CCBE1: variants seen among roughly 807,000 people sequenced by gnomAD.
CCBE1 encodes the protein collagen and calcium-binding EGF domain-containing protein 1.
A neutral mutation model predicts 50.0 loss-of-function variants in CCBE1; 37 were observed. The ratio of observed to expected loss-of-function variants is 0.74; its 90% CI spans 0.57 to 0.97. CCBE1 has a LOEUF of 0.97. CCBE1 is among the 50% of genes least tolerant of loss of function. The pLI is 0.00. For synonymous variants in CCBE1, 234 were observed against 203.7 expected, an observed-to-expected ratio of 1.15 and a Z score of -1.27; for missense variants, 538 against 523.8, an observed-to-expected ratio of 1.03 and a Z score of -0.26.
intron 2 of CCBE1, among the ~76,000 whole-genome samples, chr18:59,672,761 A>G (rs1009744876): frequency 7.9e-5 from 12 of 152,218 alleles, no homozygotes; most frequent in Non-Finnish European, 2.9e-5. Context: ...TTATGCTGCA[A>G]CAGATGAAGG....
At chr18:59,559,822 C>G (rs1055344063) in intron 2 of CCBE1, among the ~76,000 whole-genome samples, 15 of 152,240 alleles carry the variant, frequency 9.9e-5, no homozygotes, top group Non-Finnish European at 1.2e-4. Flanking sequence ...GTGCATGTCT[C>G]TCCCATGCCT....
intron 2 of CCBE1, among the ~76,000 whole-genome samples, chr18:59,577,850 T>C (rs1022803275): frequency 6.6e-5 from 10 of 152,026 alleles, no homozygotes; most frequent in African/African-American, 2.4e-4. Flanking sequence ...CCCAAAACCA[T>C]AAAAACCCTA....
chr18:59,480,333 G>C lies in CCBE1; in HGVS notation c.213-95C>G. 1.7e-5 allele frequency: 16 copies of C among 969,640 alleles called. No individual in the cohort carries two copies. In the South Asian group the frequency reaches 2.3e-4, roughly 14 times the overall value. The allele number at this position is 969,640 out of a possible 1,614,324, so 60.1% of individuals were successfully genotyped here. ...TTTGAATGAAATAACTTGTGCCCAGGAAACATTGAGGCATAAAGCAAAGTA... is the reference window on the plus strand; with the variant it reads ...TTTGAATGAAATAACTTGTGCCCAGCAAACATTGAGGCATAAAGCAAAGTA... On this transcript the variant is annotated intron_variant, in intron 2 of 10. Transcript: ENST00000439986.
chr18:59,673,976 T>C (rs2054466609), intron 2 of CCBE1, among the ~76,000 whole-genome samples: 1 of 151,890 alleles, frequency 6.6e-6, no homozygotes, highest in African/African-American at 2.4e-5. Flanking sequence ...TAGAGGGGAG[T>C]CCCTCTTTTT....
At chr18:59,543,106 C>G (rs1344331480) in intron 2 of CCBE1, among the ~76,000 whole-genome samples, 3 of 152,116 alleles carry the variant, frequency 2.0e-5, no homozygotes, top group Admixed American at 6.5e-5. Flanking sequence ...CTAGTTGGAT[C>G]CCAATGCTTT....
intron 5 of CCBE1, among the ~76,000 whole-genome samples, chr18:59,463,200 G>GC (rs1310963537): frequency 2.0e-5 from 3 of 152,120 alleles, no homozygotes. Flanking sequence ...CCTGCCCCCA[G>GC]CCCTTTCTGG....
chr18:59,510,531 C>T (rs1914086348), intron 2 of CCBE1, among the ~76,000 whole-genome samples: 1 of 152,112 alleles, frequency 6.6e-6, no homozygotes, highest in Non-Finnish European at 1.5e-5. Context: ...AAGTGATTCT[C>T]CTGTCTCAGC....
intron 10 of CCBE1, among the ~76,000 whole-genome samples, chr18:59,437,226 C>T (rs745373640): frequency 7.2e-5 from 11 of 152,254 alleles, no homozygotes; most frequent in South Asian, 4.2e-4. Flanking sequence ...TGCACAAACA[C>T]GCATGTTCTG....
At chr18:59,548,045 G>A (rs1473750047) in intron 2 of CCBE1, among the ~76,000 whole-genome samples, 1 of 152,272 alleles carries the variant, frequency 6.6e-6, no homozygotes, top group East Asian at 1.9e-4. Flanking sequence ...AACCGAAAAT[G>A]TGGTCACAGT....
At chr18:59,436,364 C>T (rs778264672) in intron 10 of CCBE1, among the ~76,000 whole-genome samples, 2 of 152,196 alleles carry the variant, frequency 1.3e-5, no homozygotes, top group Non-Finnish European at 2.9e-5. Flanking sequence ...CCTTTCCTCC[C>T]TCCTAACGCT....
rs144511131 is a variant in CCBE1, at chr18:59,463,739, G to A, written c.553+3000C>T. 4.5e-3 allele frequency among the ~76,000 whole-genome samples: 679 copies of A among 152,276 alleles called. 3 individuals carry two copies. Among genetic ancestry groups the A allele is most frequent in the African/African-American group, 0.015 (631 of 41,560 alleles). On this transcript the variant is annotated intron_variant, in intron 5 of 10. Coordinates refer to ENST00000439986, the MANE Select transcript of CCBE1 (RefSeq NM_133459.4). The stretch of plus-strand genomic sequence containing the variant: ...TCAACCTAACCCCCAGCAGTATTGC[G>A]TTTGTTGCTGGGGTTCCCGGTGATT...
At position 59,433,323 on chromosome 18, in the gene CCBE1, C is replaced by T. The variant is rs1376897227; in HGVS notation, c.*2585G>A. 6.6e-6 allele frequency: 1 copy of T among 151,356 alleles called. No homozygotes were observed. Among genetic ancestry groups the T allele is most frequent in the Non-Finnish European group, 1.5e-5 (1 of 67,924 alleles). 9.4% of individuals were successfully genotyped at this position (151,356 alleles called of 1,614,324 possible). A position where few individuals can be genotyped will look rare whatever the true frequency, so the allele number is the denominator to read the frequency against. On this transcript the variant is annotated 3_prime_UTR_variant, in exon 11 of 11. Transcript: ENST00000439986. ...CTATGTTGCCCAGACTGGCCTTGAA[C>T]TCCTGGGCTCAAGGGATCCTCTCGC...
chr18:59,467,906 G>A lies in CCBE1; in HGVS notation c.401-1015C>T, dbSNP rs115623570. On this transcript the variant is annotated intron_variant, in intron 4 of 10. Coordinates refer to ENST00000439986, the MANE Select transcript of CCBE1 (RefSeq NM_133459.4). Reference sequence around the variant, plus strand: ...GTACCAACTATGTCACCTGTAGACCGGATGTTGCAGCTGCATCCTCCTCTG... The same window carrying A: ...GTACCAACTATGTCACCTGTAGACCAGATGTTGCAGCTGCATCCTCCTCTG... 8.5e-3 allele frequency among the ~76,000 whole-genome samples: 1,297 copies of A among 152,302 alleles called. 20 individuals carry two copies. Among genetic ancestry groups the A allele is most frequent in the African/African-American group, 0.03 (1,243 of 41,548 alleles).
chr18:59,633,878 A>G (rs193007864), intron 2 of CCBE1, among the ~76,000 whole-genome samples: 1 of 152,370 alleles, frequency 6.6e-6, no homozygotes, highest in East Asian at 1.9e-4. Flanking sequence ...CAAAGGTGAT[A>G]TCTTGACTTA....
intron 7 of CCBE1, 42 bp from the exon 8 acceptor site, chr18:59,439,858 A>G: frequency 6.2e-7 from 1 of 1,609,868 alleles, no homozygotes; most frequent in African/African-American, 1.3e-5. Flanking sequence ...GCACATGAGA[A>G]GGACAAAGGG....
chr18:59,645,817 A>G (rs879269623), intron 2 of CCBE1, among the ~76,000 whole-genome samples: 36 of 152,198 alleles, frequency 2.4e-4, no homozygotes, highest in Middle Eastern at 3.4e-3. Context: ...GGATCACAAG[A>G]TCAGGAGATC....
chr18:59,655,055 G>A (rs2054171171), intron 2 of CCBE1, among the ~76,000 whole-genome samples: 1 of 133,808 alleles, frequency 7.5e-6, no homozygotes, highest in South Asian at 2.4e-4. Context: ...CCACTGCATT[G>A]CAGCCTGGGC....
At chr18:59,577,236 G>T (rs887233476) in intron 2 of CCBE1, among the ~76,000 whole-genome samples, 2 of 152,208 alleles carry the variant, frequency 1.3e-5, no homozygotes, top group African/African-American at 4.8e-5. Context: ...GCGAACTTAG[G>T]CAGAAAAGCA....
chr18:59,612,306 GAAAAAAAAAGGGAA>G (rs2053580269), intron 2 of CCBE1, among the ~76,000 whole-genome samples: 1 of 48,120 alleles, frequency 2.1e-5, no homozygotes, highest in Non-Finnish European at 4.7e-5. Flanking sequence ...AAAAAAAAAA[GAAAAAAAAAGGGAA>G]GAAAAAAAAG....
Sources: allele counts gnomAD v4.1 joint callset (sites outside exome capture counted in the v4.1 genomes callset), GRCh38; gene constraint gnomAD v4.1.1; transcripts MANE v1.5; gene names NCBI Gene and HGNC (gene_info 2026-07-23, HGNC 2026-07-21).